Variants in SPATA7 observed in about 807,000 individuals in gnomAD.
SPATA7 encodes spermatogenesis-associated protein 7.
In SPATA7, 43 loss-of-function variants were observed where a neutral mutation model predicts 51.8. That is an observed-to-expected ratio of 0.83 (90% CI 0.65 to 1.07). SPATA7 has a LOEUF of 1.07. SPATA7 is among the 50% of genes least tolerant of loss of function. The pLI, the probability that SPATA7 is intolerant of heterozygous loss-of-function variation, is 0.00. For synonymous variants in SPATA7, 230 were observed against 252.8 expected (o/e 0.91, Z 0.86); for missense variants, 683 against 701.3 (o/e 0.97, Z 0.30).
chr14:88,442,486 G>T (rs1398165648), downstream of SPATA7, among the ~76,000 whole-genome samples: 1 of 152,114 alleles, frequency 6.6e-6, no homozygotes. Flanking sequence ...TTTGCTGAGG[G>T]TTTTAATCAT....
At chr14:88,407,959 T>G (rs2139929494) in intron 4 of SPATA7, among the ~76,000 whole-genome samples, 1 of 152,266 alleles carries the variant, frequency 6.6e-6, no homozygotes, top group South Asian at 2.1e-4. Context: ...TCTATTCCAT[T>G]GGTCTATATA....
At chr14:88,392,766 A>G (rs1234610685) in intron 2 of SPATA7, among the ~76,000 whole-genome samples, 1 of 152,072 alleles carries the variant, frequency 6.6e-6, no homozygotes, top group Non-Finnish European at 1.5e-5. Context: ...CTTTGCCTAT[A>G]TTTATATTTT....
chr14:88,419,222 T>C (rs1303760606), intron 5 of SPATA7, among the ~76,000 whole-genome samples: 1 of 152,116 alleles, frequency 6.6e-6, no homozygotes. Context: ...TGAATGCATG[T>C]TATTACATTA....
At chr14:88,396,064 G>A in intron 3 of SPATA7, 92 bp from the exon 4 acceptor site, 1 of 991,830 alleles carries the variant, frequency 1.0e-6, no homozygotes, top group Non-Finnish European at 1.6e-6. Flanking sequence ...ATAAACAGCT[G>A]CAAGGTCTGG....
intron 4 of SPATA7, among the ~76,000 whole-genome samples, chr14:88,407,435 A>G (rs1483386266): frequency 1.3e-5 from 2 of 152,122 alleles, no homozygotes; most frequent in African/African-American, 2.4e-5. Context: ...GTCTGTTCAT[A>G]TCCTTCGCCC....
At chr14:88,468,251 C>A in intron 4 of SPATA7, 1 of 1,605,268 alleles carries the variant, frequency 6.2e-7, no homozygotes, top group South Asian at 1.1e-5. Context: ...CCAGCACTCT[C>A]GGGATGTCCA....
At chr14:88,420,706 C>T (rs1439417099) in intron 5 of SPATA7, among the ~76,000 whole-genome samples, 1 of 152,188 alleles carries the variant, frequency 6.6e-6, no homozygotes, top group Non-Finnish European at 1.5e-5. Context: ...TGCCCACTCA[C>T]TCTCCTAGGT....
At chr14:88,428,540 T>G (rs1251907393) in intron 7 of SPATA7, 3 of 152,178 alleles carry the variant, frequency 2.0e-5, no homozygotes, top group African/African-American at 7.2e-5. Context: ...AAACTGTACT[T>G]AACTTGCAGG....
chr14:88,443,389 G>T (rs1033907677), downstream of SPATA7, among the ~76,000 whole-genome samples: 7 of 152,090 alleles, frequency 4.6e-5, no homozygotes, highest in African/African-American at 1.7e-4. Flanking sequence ...TCTAGTTTAT[G>T]CATGTAAAGC....
chr14:88,452,026 C>G (rs188401713), intron 3 of SPATA7, among the ~76,000 whole-genome samples: 1 of 152,232 alleles, frequency 6.6e-6, no homozygotes. Flanking sequence ...AATTGCTTTT[C>G]TGGTTCCTTC....
intron 4 of SPATA7, among the ~76,000 whole-genome samples, chr14:88,401,148 C>T (rs1335030380): frequency 6.6e-6 from 1 of 152,162 alleles, no homozygotes; most frequent in African/African-American, 2.4e-5. Flanking sequence ...AGTCAAACAC[C>T]ATGACCAAGT....
intron 3 of SPATA7, among the ~76,000 whole-genome samples, chr14:88,450,705 G>C (rs1266761604): frequency 6.6e-6 from 1 of 152,118 alleles, no homozygotes; most frequent in East Asian, 1.9e-4. Context: ...GTTACCTGAT[G>C]CTTTTGCCGC....
chr14:88,454,637 T>A (rs2077272610), intron 3 of SPATA7, among the ~76,000 whole-genome samples: 1 of 151,908 alleles, frequency 6.6e-6, no homozygotes. Context: ...TGAGACCCCA[T>A]CTACACACAC....
chr14:88,402,971 A>G (rs1406522286), intron 4 of SPATA7, among the ~76,000 whole-genome samples: 2 of 140,602 alleles, frequency 1.4e-5, no homozygotes, highest in African/African-American at 6.3e-5. Context: ...AAAAAAAAAA[A>G]AAAAAAAAAA....
intron 2 of SPATA7, among the ~76,000 whole-genome samples, chr14:88,393,187 TC>T (rs1346453441): frequency 1.3e-5 from 2 of 152,100 alleles, no homozygotes; most frequent in Non-Finnish European, 2.9e-5. Flanking sequence ...AAAATTTTAT[TC>T]TCAGGAAGGT....
chr14:88,397,223 T>C (rs1202523207), intron 4 of SPATA7, among the ~76,000 whole-genome samples: 1 of 152,190 alleles, frequency 6.6e-6, no homozygotes, highest in East Asian at 1.9e-4. Flanking sequence ...TGCACCATTT[T>C]CCATTATGAC....
chr14:88,396,197 A>C lies in SPATA7; in HGVS notation c.232A>C (p.Ile78Leu). Residue 78 changes from isoleucine to leucine, a missense_variant, in exon 4 of 12, where the codon ATA becomes CTA. Physicochemically the swap from Ile to Leu is conservative, Grantham distance 5. Coordinates refer to ENST00000393545, the MANE Select transcript of SPATA7 (RefSeq NM_018418.5). ...CSVPVSVSTSIKYADQQRREK... is the reference protein window; with the variant it reads ...CSVPVSVSTSLKYADQQRREK... ...GGTTCCAGTAAGCGTGAGTACCAGC[A>C]TAAAGTGTAAGTAATTTTTGGACAT... 1.2e-6 allele frequency: 2 copies of C among 1,608,800 alleles called. No individual in the cohort carries two copies. The highest frequency in any genetic ancestry group is 1.7e-6 in the Non-Finnish European group (2 of 1,176,722).
intron 10 of SPATA7, among the ~76,000 whole-genome samples, chr14:88,434,993 G>A (rs2077046900): frequency 6.6e-6 from 1 of 152,208 alleles, no homozygotes; most frequent in African/African-American, 2.4e-5. Context: ...TCCTGTGATA[G>A]AGAGGTGAGC....
At chr14:88,403,795 A>G (rs992824921) in intron 4 of SPATA7, among the ~76,000 whole-genome samples, 3 of 152,180 alleles carry the variant, frequency 2.0e-5, no homozygotes, top group Admixed American at 2.0e-4. Context: ...GTTTTAGTTA[A>G]TGCAAGTTGA....
Sources: gnomAD v4.1 joint callset for allele counts (sites outside exome capture counted in the v4.1 genomes callset) on GRCh38, gnomAD v4.1.1 for gene constraint, MANE v1.5 for transcripts, NCBI Gene and HGNC (gene_info 2026-07-23, HGNC 2026-07-21) for gene names.